The following SLC18A1 variants were observed in gnomAD, a reference collection of about 807,000 sequenced individuals.
SLC18A1 encodes chromaffin granule amine transporter.
In SLC18A1, 69 loss-of-function variants were observed where a neutral mutation model predicts 53.7. That is an observed-to-expected ratio of 1.28 (90% confidence interval 1.06 to 1.57). The LOEUF is 1.57. SLC18A1 is among the 40% of genes most tolerant of loss of function. The pLI, the probability that SLC18A1 is intolerant of heterozygous loss-of-function variation, is 0.00. For synonymous variants in SLC18A1, 320 were observed against 248.1 expected (o/e 1.29, Z -2.72); for missense variants, 932 against 668.1 (o/e 1.40, Z -4.35).
Position 20,145,228 on chromosome 8 carries a change from T to TG in SLC18A1, c.*534dup, listed in dbSNP as rs34201967. The TG allele has an allele frequency of 0.75, 112,710 of 151,136 alleles. 42,894 individuals carry two copies. The highest frequency in any genetic ancestry group is 0.91 in the African/African-American group (37,411 of 41,244). The allele number at this position is 151,136 out of a possible 1,614,324, so 9.4% of individuals were successfully genotyped here. On this transcript the variant is annotated 3_prime_UTR_variant, in exon 16 of 16. Coordinates refer to ENST00000276373, the MANE Select transcript of SLC18A1 (RefSeq NM_003053.4). ...TCACTTTATTAAAAAAAAAAATAAA[T>TG]GAAAAAAAACAAAACAAAACTCTTC...
In SLC18A1 at chr8:20,165,114, A is replaced by G. The variant is rs770988258; in HGVS notation, c.859-7T>C. Reference sequence around the variant, plus strand: ...GGGGAGTCCCCTTGGCACTCTGAGAACATGGATAACAAAAAATGTCCATTT... The same window carrying G: ...GGGGAGTCCCCTTGGCACTCTGAGAGCATGGATAACAAAAAATGTCCATTT... On this transcript the variant is annotated splice_polypyrimidine_tract_variant and splice_region_variant and intron_variant, in intron 8 of 15. Coordinates refer to ENST00000276373, the MANE Select transcript of SLC18A1 (RefSeq NM_003053.4). The G allele has an allele frequency of 5.6e-6, 9 of 1,613,120 alleles. No homozygotes were observed. The highest frequency in any genetic ancestry group is 1.1e-5 in the South Asian group (1 of 91,076).
chr8:20,166,312 T>C (rs1410243761), intron 8 of SLC18A1, among the ~76,000 whole-genome samples: 1 of 95,672 alleles, frequency 1.0e-5, no homozygotes, highest in South Asian at 3.5e-4. Context: ...TATATATATA[T>C]ATATATATAT....
chr8:20,151,137 G>GC (rs1554534380), intron 10 of SLC18A1: 1 of 101,490 alleles, frequency 9.9e-6, no homozygotes, highest in Non-Finnish European at 2.3e-5. Flanking sequence ...ACACCTAGTT[G>GC]TTTTTTTTTG....
chr8:20,180,769 T>G (rs1198149207), intron 2 of SLC18A1, 72 bp downstream of exon 2: 12 of 1,564,496 alleles, frequency 7.7e-6, no homozygotes, highest in Non-Finnish European at 9.6e-6. Flanking sequence ...ACTGTTGAAC[T>G]CAAGCAGGGT....
intron 8 of SLC18A1, among the ~76,000 whole-genome samples, chr8:20,166,321 A>ATAT (rs1554537699): frequency 4.1e-5 from 4 of 97,106 alleles, no homozygotes; most frequent in South Asian, 6.6e-4. Flanking sequence ...ATATATATAT[A>ATAT]TATATATATA....
rs938411261 is a variant in SLC18A1 at position 20,145,386 on chromosome 8, G to C, written c.*377C>G. The C allele has an allele frequency of 6.2e-6, 1 of 160,192 alleles. No individual in the cohort carries two copies. Among genetic ancestry groups the C allele is most frequent in the Non-Finnish European group, 1.4e-5 (1 of 73,642 alleles). The allele number at this position is 160,192 out of a possible 1,614,324, so 9.9% of individuals were successfully genotyped here. On this transcript the variant is annotated 3_prime_UTR_variant, in exon 16 of 16. Coordinates refer to ENST00000276373, the MANE Select transcript of SLC18A1 (RefSeq NM_003053.4). ...GTTGGGACTATGCCAGAGAAAATCAGGCAACAGATTAAAGAGGCTTGTCAG... is the reference window on the plus strand; with the variant it reads ...GTTGGGACTATGCCAGAGAAAATCACGCAACAGATTAAAGAGGCTTGTCAG...
chr8:20,157,626 G>A (rs558355497), intron 10 of SLC18A1, among the ~76,000 whole-genome samples: 28 of 152,296 alleles, frequency 1.8e-4, no homozygotes, highest in African/African-American at 6.3e-4. Context: ...TCTGTCACCT[G>A]ACTCTATTGA....
intron 8 of SLC18A1, among the ~76,000 whole-genome samples, chr8:20,170,868 C>A (rs1419498515): frequency 6.6e-6 from 1 of 151,808 alleles, no homozygotes; most frequent in African/African-American, 2.4e-5. Flanking sequence ...TTCTCTATGG[C>A]TTCTTTGATT....
rs1563722170 is a variant in SLC18A1, at chr8:20,149,602, CTCT to C, written c.1146+71_1146+73del. The C allele has an allele frequency of 3.5e-4, 416 of 1,191,864 alleles. 3 individuals carry two copies. The highest frequency in any genetic ancestry group is 4.9e-4 in the Non-Finnish European group (398 of 815,112). 73.8% of individuals were successfully genotyped at this position (1,191,864 alleles called of 1,614,324 possible). On this transcript the variant is annotated intron_variant, in intron 12 of 15. Coordinates refer to ENST00000276373, the MANE Select transcript of SLC18A1 (RefSeq NM_003053.4). ...TCTCTCTCTCTCCCTCTCTCTCTCT[CTCT>C]CTCTCTCTCTCTGTCTGTCTGTCTC...
intron 10 of SLC18A1, among the ~76,000 whole-genome samples, chr8:20,157,403 G>A (rs554580832): frequency 6.6e-6 from 1 of 152,192 alleles, no homozygotes. Flanking sequence ...CAGGCCAGTA[G>A]GCAGTTCCTA....
intron 8 of SLC18A1, among the ~76,000 whole-genome samples, chr8:20,167,737 C>T (rs570222864): frequency 1.2e-4 from 18 of 152,222 alleles, no homozygotes; most frequent in Non-Finnish European, 2.1e-4. Flanking sequence ...TCTCCTGCCT[C>T]AGCCTCCTGA....
At chr8:20,159,311 A>G (rs1306213317) in intron 10 of SLC18A1, among the ~76,000 whole-genome samples, 1 of 152,124 alleles carries the variant, frequency 6.6e-6, no homozygotes, top group Non-Finnish European at 1.5e-5. Flanking sequence ...GTACTAACAG[A>G]CAGGACTAGC....
intron 4 of SLC18A1, among the ~76,000 whole-genome samples, chr8:20,176,177 T>C (rs1474540173): frequency 6.6e-6 from 1 of 152,128 alleles, no homozygotes; most frequent in Non-Finnish European, 1.5e-5. Flanking sequence ...ATGAATACTT[T>C]AATGTCTTCC....
chr8:20,150,918 C>T lies in SLC18A1; in HGVS notation c.1016-174G>A, dbSNP rs76031853. On this transcript the variant is annotated intron_variant, in intron 10 of 15. Coordinates refer to ENST00000276373, the MANE Select transcript of SLC18A1 (RefSeq NM_003053.4). ...CACAGTAGTTGCCATAGGACCCCCA[C>T]ACCTCTCCTTTCTTCAGGAGCAAGG... is the stretch of plus-strand genomic sequence containing the variant. The T allele has an allele frequency of 2.0e-3, 1,214 of 611,852 alleles. 14 individuals are homozygous for T. The African/African-American group carries it at 0.02, about 10-fold the overall frequency. The allele number at this position is 611,852 out of a possible 1,614,324, so 37.9% of individuals were successfully genotyped here.
chr8:20,160,797 C>G (rs2071811756), intron 10 of SLC18A1, among the ~76,000 whole-genome samples: 2 of 152,110 alleles, frequency 1.3e-5, no homozygotes, highest in South Asian at 4.1e-4. Flanking sequence ...GTGCATGGCA[C>G]CAGCATCTGC....
In SLC18A1 at chr8:20,145,802, C is replaced by G; in HGVS notation, c.1539G>C (p.Leu513=). The G allele has an allele frequency of 6.2e-7, 1 of 1,612,378 alleles. No homozygotes were observed. ...CAGGCTCCTCATCACTGTCCTCCCC[C>G]AGAGGAAATTCCTTCGTGGGCTTCT... ...ATQKPTKEFP[L]GEDSDEEPDH... is the part of the protein sequence containing the mutation. Residue 513 remains leucine, a synonymous_variant, in exon 16 of 16, where the codon CTG becomes CTC. Transcript: ENST00000276373.
intron 12 of SLC18A1, 198 bp from the exon 13 acceptor site, chr8:20,148,268 T>C (rs565281742): frequency 9.8e-5 from 59 of 604,658 alleles, no homozygotes; most frequent in Non-Finnish European, 1.6e-4. Context: ...ACCAGCGCTG[T>C]TGTGTTTATT....
chr8:20,167,441 AAAG>A (rs1401372327), intron 8 of SLC18A1, among the ~76,000 whole-genome samples: 1 of 151,996 alleles, frequency 6.6e-6, no homozygotes, highest in Admixed American at 6.5e-5. Context: ...TCTTACTTTG[AAAG>A]AAGAATACAT....
At chr8:20,176,971 A>T (rs1165949181) in intron 4 of SLC18A1, among the ~76,000 whole-genome samples, 1 of 152,140 alleles carries the variant, frequency 6.6e-6, no homozygotes, top group African/African-American at 2.4e-5. Context: ...ACCATCATAT[A>T]CACTTCTGAT....
Sources: allele counts gnomAD v4.1 joint callset (sites outside exome capture counted in the v4.1 genomes callset), GRCh38; gene constraint gnomAD v4.1.1; transcripts MANE v1.5; gene names NCBI Gene and HGNC (gene_info 2026-07-23, HGNC 2026-07-21).